DLGAP2: variants seen among roughly 807,000 people sequenced by gnomAD.
The protein encoded by DLGAP2 is disks large-associated protein 2.
A neutral mutation model predicts 100.3 loss-of-function variants in DLGAP2; 26 were observed. The observed-to-expected ratio is 0.26, with a 90% CI of 0.19 to 0.36. The LOEUF (loss-of-function observed/expected upper bound fraction) is 0.36. DLGAP2 is among the 10% of genes least tolerant of loss of function. DLGAP2 has a pLI of 1.00. For synonymous variants in DLGAP2, 886 were observed against 630.1 expected, an observed-to-expected ratio of 1.41 and a Z score of -6.08; for missense variants, 1,858 against 1,453.2, an observed-to-expected ratio of 1.28 and a Z score of -4.53.
intron 3 of DLGAP2, among the ~76,000 whole-genome samples, chr8:1,273,765 A>G (rs1799629099): frequency 6.6e-6 from 1 of 152,240 alleles, no homozygotes; most frequent in Non-Finnish European, 1.5e-5. Context: ...TTAAATTAAG[A>G]TAAACTTGTT....
At chr8:1,577,492 C>T (rs1027752715) in intron 6 of DLGAP2, among the ~76,000 whole-genome samples, 4 of 145,818 alleles carry the variant, frequency 2.7e-5, no homozygotes, top group Non-Finnish European at 3.0e-5. Flanking sequence ...CACTTGAACC[C>T]GGGAGGCGGA....
At chr8:1,264,491 C>G (rs1170744430) in intron 3 of DLGAP2, among the ~76,000 whole-genome samples, 1 of 152,120 alleles carries the variant, frequency 6.6e-6, no homozygotes, top group African/African-American at 2.4e-5. Context: ...AATGCACACT[C>G]CAGGTATGGA....
chr8:1,157,048 A>T (rs1451883), intron 2 of DLGAP2, among the ~76,000 whole-genome samples: 132,992 of 151,952 alleles, frequency 0.88, 58,256 homozygotes, highest in African/African-American at 0.89. Flanking sequence ...GTACCTTCAG[A>T]GGAAGCCTCT....
chr8:1,496,282 G>A (rs746993485), intron 3 of DLGAP2, among the ~76,000 whole-genome samples: 13 of 152,022 alleles, frequency 8.6e-5, no homozygotes, highest in Non-Finnish European at 1.8e-4. Context: ...TTGCGGTGTC[G>A]GTGGAAGCAT....
chr8:768,331 C>G (rs999860118), intron 1 of DLGAP2, among the ~76,000 whole-genome samples: 1 of 150,796 alleles, frequency 6.6e-6, no homozygotes, highest in Non-Finnish European at 1.5e-5. Flanking sequence ...GTCACTCAGA[C>G]AAATTACTCA....
intron 2 of DLGAP2, among the ~76,000 whole-genome samples, chr8:1,214,391 C>T (rs1359011801): frequency 6.6e-6 from 1 of 152,184 alleles, no homozygotes; most frequent in Non-Finnish European, 1.5e-5. Flanking sequence ...TTGCTGATGA[C>T]AGAAGGGCAT....
At position 1,555,036 on chromosome 8, in the gene DLGAP2, A is replaced by G. The variant is rs924676500; in HGVS notation, c.1230+5353A>G. Among the ~76,000 whole-genome samples, 4 of 152,152 alleles carry G rather than the reference A, an allele frequency of 2.6e-5. No individual in the cohort carries two copies. In the East Asian group the frequency reaches 5.8e-4, roughly 22 times the overall value. ...TGCTCCACTCTAATGCACGTTTGCA[A>G]TTTGAAAGGAGGGCTTTTGTTTTAA... On this transcript the variant is annotated intron_variant, in intron 5 of 14. Coordinates refer to ENST00000637795, the MANE Select transcript of DLGAP2 (RefSeq NM_001346810.2).
intron 3 of DLGAP2, among the ~76,000 whole-genome samples, chr8:1,319,268 C>T (rs1264784061): frequency 3.3e-5 from 5 of 152,150 alleles, no homozygotes; most frequent in South Asian, 2.1e-4. Flanking sequence ...TTGTTACCAC[C>T]GCCTCTGCCA....
chr8:1,415,190 A>G (rs1033937251), intron 3 of DLGAP2, among the ~76,000 whole-genome samples: 1 of 152,320 alleles, frequency 6.6e-6, no homozygotes, highest in Non-Finnish European at 1.5e-5. Context: ...GGCTGTGTCT[A>G]TCTTTAATCT....
chr8:1,344,412 A>G (rs2117090086), intron 3 of DLGAP2, among the ~76,000 whole-genome samples: 1 of 152,306 alleles, frequency 6.6e-6, no homozygotes, highest in East Asian at 1.9e-4. Context: ...TTCTCTGAGC[A>G]GCTGCTCTCC....
chr8:769,871 G>T (rs528782557), intron 1 of DLGAP2, among the ~76,000 whole-genome samples: 65 of 152,256 alleles, frequency 4.3e-4, no homozygotes, highest in Non-Finnish European at 7.6e-4. Context: ...CATGAAAGAT[G>T]GAGTCAGAAG....
intron 2 of DLGAP2, among the ~76,000 whole-genome samples, chr8:976,826 C>T (rs1349435712): frequency 6.6e-6 from 1 of 152,086 alleles, no homozygotes; most frequent in African/African-American, 2.4e-5. Flanking sequence ...AAATGCAAAA[C>T]TGTAAAACTT....
intron 6 of DLGAP2, among the ~76,000 whole-genome samples, chr8:1,601,919 T>C (rs183881364): frequency 5.3e-4 from 80 of 151,188 alleles, no homozygotes; most frequent in African/African-American, 1.9e-3. Flanking sequence ...GTAGTCACTT[T>C]TGATCCTAAA....
chr8:1,027,855 G>C (rs1259540290), intron 2 of DLGAP2, among the ~76,000 whole-genome samples: 2 of 135,386 alleles, frequency 1.5e-5, no homozygotes, highest in African/African-American at 5.6e-5. Context: ...TTCTCCAGGT[G>C]GGGTGTCAGG....
intron 3 of DLGAP2, among the ~76,000 whole-genome samples, chr8:1,426,982 T>A (rs1246576413): frequency 6.6e-6 from 1 of 152,174 alleles, no homozygotes; most frequent in Non-Finnish European, 1.5e-5. Context: ...TTATTGACAA[T>A]TAAAAACTAT....
chr8:1,050,086 TCA>T (rs936379092), intron 2 of DLGAP2, among the ~76,000 whole-genome samples: 7 of 152,324 alleles, frequency 4.6e-5, no homozygotes, highest in Middle Eastern at 3.4e-3. Context: ...GCACAGGCAG[TCA>T]CACACATACA....
At chr8:1,594,264 G>C (rs939105241) in intron 6 of DLGAP2, among the ~76,000 whole-genome samples, 1 of 152,084 alleles carries the variant, frequency 6.6e-6, no homozygotes, top group South Asian at 2.1e-4. Flanking sequence ...TCCAGAAACT[G>C]ACCCTAGTGA....
chr8:1,099,908 C>G (rs1350999931), intron 2 of DLGAP2, among the ~76,000 whole-genome samples: 1 of 152,210 alleles, frequency 6.6e-6, no homozygotes, highest in Non-Finnish European at 1.5e-5. Context: ...TGCCGCAAAG[C>G]TCTTACAGTA....
At chr8:1,032,635 G>A (rs1346887131) in intron 2 of DLGAP2, 3 of 152,316 alleles carry the variant, frequency 2.0e-5, no homozygotes, top group South Asian at 4.1e-4. Context: ...TGAGATGTTG[G>A]AAGTGGACAA....
Sources: allele counts gnomAD v4.1 joint callset (sites outside exome capture counted in the v4.1 genomes callset), GRCh38; gene constraint gnomAD v4.1.1; transcripts MANE v1.5; gene names NCBI Gene and HGNC (gene_info 2026-07-23, HGNC 2026-07-21).